Variants in KIAA0319 observed in about 807,000 individuals in gnomAD.
The protein encoded by KIAA0319 is dyslexia-associated protein KIAA0319.
KIAA0319 carries 83 observed loss-of-function variants against 108.4 expected under a neutral mutation model. The observed-to-expected ratio is 0.77, with a 90% CI of 0.64 to 0.92. The LOEUF (loss-of-function observed/expected upper bound fraction) is 0.92. KIAA0319 is among the 40% of genes least tolerant of loss of function. KIAA0319 has a pLI of 0.00. For synonymous variants in KIAA0319, 484 were observed against 510.4 expected (o/e 0.95, Z 0.70); for missense variants, 1,195 against 1,322.4 (o/e 0.90, Z 1.49).
Position 24,583,712 on chromosome 6 carries a change from A to C in KIAA0319, c.995-10T>G. 6.8e-7 allele frequency: 1 copy of C among 1,479,286 alleles called. No homozygotes were observed. Among genetic ancestry groups the C allele is most frequent in the Non-Finnish European group, 9.5e-7 (1 of 1,057,510 alleles). The allele number at this position is 1,479,286 out of a possible 1,614,324, so 91.6% of individuals were successfully genotyped here. ...ACCGTAAGTTCTTTCACTAAAAGTT[A>C]ATTAGAAATAATACGTGCAATTATA... On this transcript the variant is annotated splice_polypyrimidine_tract_variant and intron_variant, in intron 4 of 20. Coordinates refer to ENST00000378214, the MANE Select transcript of KIAA0319 (RefSeq NM_014809.4).
intron 6 of KIAA0319, among the ~76,000 whole-genome samples, chr6:24,581,773 C>T (rs1332632839): frequency 6.6e-6 from 1 of 152,196 alleles, no homozygotes; most frequent in Non-Finnish European, 1.5e-5. Flanking sequence ...CCATCCAAAG[C>T]CTCTTAACCA....
chr6:24,627,293 A>G (rs1328108565), intron 1 of KIAA0319, among the ~76,000 whole-genome samples: 1 of 152,156 alleles, frequency 6.6e-6, no homozygotes, highest in Admixed American at 6.5e-5. Context: ...TGCGCTGGGG[A>G]TGATGTTACA....
chr6:24,617,407 G>C (rs73390421), intron 1 of KIAA0319, among the ~76,000 whole-genome samples: 2 of 151,880 alleles, frequency 1.3e-5, no homozygotes, highest in Non-Finnish European at 2.9e-5. Flanking sequence ...ACAGCAATGC[G>C]GCAAAATCTT....
intron 4 of KIAA0319, among the ~76,000 whole-genome samples, chr6:24,587,939 A>G (rs1582089689): frequency 6.6e-6 from 1 of 152,316 alleles, no homozygotes; most frequent in East Asian, 1.9e-4. Flanking sequence ...GCTTAAAACC[A>G]TTCAGGGATT....
At chr6:24,586,635 TATATA>T (rs1417734768) in intron 4 of KIAA0319, among the ~76,000 whole-genome samples, 3 of 152,228 alleles carry the variant, frequency 2.0e-5, no homozygotes, top group Non-Finnish European at 2.9e-5. Flanking sequence ...GTTCCAGGCT[TATATA>T]ATATAAGCTT....
chr6:24,580,133 C>T (rs970231664), intron 7 of KIAA0319, among the ~76,000 whole-genome samples, 183 bp from the exon 8 acceptor site: 3 of 152,186 alleles, frequency 2.0e-5, no homozygotes, highest in African/African-American at 7.2e-5. Flanking sequence ...ATTTCAGGAG[C>T]TTGTCTGGAC....
chr6:24,623,958 T>A (rs557924473), intron 1 of KIAA0319, among the ~76,000 whole-genome samples: 1 of 151,322 alleles, frequency 6.6e-6, no homozygotes, highest in African/African-American at 2.4e-5. Context: ...AACTTTAATA[T>A]ATACAATATA....
chr6:24,636,793 A>C (rs2127594258), intron 1 of KIAA0319, among the ~76,000 whole-genome samples: 1 of 152,252 alleles, frequency 6.6e-6, no homozygotes, highest in African/African-American at 2.4e-5. Context: ...CTTTTTTAAA[A>C]ATTTTTTTTC....
chr6:24,624,542 T>C (rs1582291104), intron 1 of KIAA0319, among the ~76,000 whole-genome samples: 1 of 152,060 alleles, frequency 6.6e-6, no homozygotes, highest in East Asian at 1.9e-4. Flanking sequence ...CTAAGTGTAA[T>C]GCAGAAGAAG....
At chr6:24,598,170 C>A in intron 2 of KIAA0319, 1 of 452,510 alleles carries the variant, frequency 2.2e-6, no homozygotes, top group Non-Finnish European at 4.2e-6. Context: ...GCCTGGGCAC[C>A]AGTATGGGTC....
intron 19 of KIAA0319, among the ~76,000 whole-genome samples, chr6:24,553,322 C>T (rs1761833247): frequency 3.4e-5 from 4 of 115,964 alleles, no homozygotes; most frequent in African/African-American, 1.2e-4. Context: ...CACACACACA[C>T]ACACACACAC....
rs777917501 is a variant in KIAA0319, at chr6:24,556,663, T to C, written c.2801A>G (p.His934Arg). The change falls in exon 18 of 21, where the codon CAC (histidine) becomes CGC (arginine). Residue 934 changes from histidine to arginine, a missense_variant. Physicochemically the swap from His to Arg is conservative, Grantham distance 29. Coordinates refer to ENST00000378214, the MANE Select transcript of KIAA0319 (RefSeq NM_014809.4). ...DPLTKRCICS[H>R]LWMENLIQRY... ...CTGTATAAGGTTCTCCATCCATAAG[T>C]GAGAGCAAATGCAGCGCTTTGTGAG... 5.0e-6 allele frequency: 8 copies of C among 1,613,996 alleles called. No homozygotes were observed. Among genetic ancestry groups the C allele is most frequent in the Non-Finnish European group, 6.8e-6 (8 of 1,179,960 alleles).
chr6:24,574,380 T>TG (rs1232443909), intron 10 of KIAA0319, among the ~76,000 whole-genome samples: 3 of 152,002 alleles, frequency 2.0e-5, no homozygotes, highest in Non-Finnish European at 4.4e-5. Flanking sequence ...AAGGCTACGG[T>TG]GAGCCATAGT....
At position 24,556,681 on chromosome 6, in the gene KIAA0319, T is replaced by C; in HGVS notation, c.2783A>G (p.Lys928Arg). 1 of 1,614,020 alleles carries C rather than the reference T, an allele frequency of 6.2e-7. No individual in the cohort carries two copies. Among genetic ancestry groups the C allele is most frequent in the Non-Finnish European group, 8.5e-7 (1 of 1,179,986 alleles). Residue 928 changes from lysine to arginine, a missense_variant, in exon 18 of 21, where the codon AAG (lysine) becomes AGG (arginine). Physicochemically the swap from Lys to Arg is conservative, Grantham distance 26. Coordinates refer to ENST00000378214, the MANE Select transcript of KIAA0319 (RefSeq NM_014809.4). ...CCATAAGTGAGAGCAAATGCAGCGC[T>C]TTGTGAGGGGGTCGCAGTGACCATG... ...SGHGHCDPLT[K>R]RCICSHLWME...
intron 1 of KIAA0319, among the ~76,000 whole-genome samples, chr6:24,630,508 CAAAAAAA>C (rs66787757): frequency 3.7e-4 from 39 of 104,446 alleles, no homozygotes; most frequent in Non-Finnish European, 6.0e-4. Context: ...GATTCTGTCT[CAAAAAAA>C]AAAAAAAAAA....
At chr6:24,549,004 G>A (rs560888018) in intron 20 of KIAA0319, among the ~76,000 whole-genome samples, 26 of 152,204 alleles carry the variant, frequency 1.7e-4, no homozygotes, top group South Asian at 4.1e-4. Flanking sequence ...GGTGGTGATC[G>A]AATGGGATTA....
chr6:24,565,509 CT>C (rs1763772367), intron 14 of KIAA0319, among the ~76,000 whole-genome samples: 1 of 152,098 alleles, frequency 6.6e-6, no homozygotes, highest in South Asian at 2.1e-4. Flanking sequence ...AATCCCAGTA[CT>C]TTGGGAGGCC....
At chr6:24,573,172 A>G (rs775088552) in intron 10 of KIAA0319, among the ~76,000 whole-genome samples, 7 of 152,190 alleles carry the variant, frequency 4.6e-5, no homozygotes, top group Non-Finnish European at 8.8e-5. Flanking sequence ...ATCCTCATAC[A>G]CTATTGAAGG....
intron 14 of KIAA0319, among the ~76,000 whole-genome samples, chr6:24,566,124 GGAAA>G (rs1763870115): frequency 1.3e-5 from 2 of 152,216 alleles, no homozygotes; most frequent in Non-Finnish European, 2.9e-5. Flanking sequence ...CAGGGAACAG[GGAAA>G]GAGAGATGAG....
Sources: allele counts gnomAD v4.1 joint callset (sites outside exome capture counted in the v4.1 genomes callset), GRCh38; gene constraint gnomAD v4.1.1; transcripts MANE v1.5; gene names NCBI Gene and HGNC (gene_info 2026-07-23, HGNC 2026-07-21).